GNAQ: variants seen among roughly 807,000 people sequenced by gnomAD.
GNAQ encodes G protein subunit alpha q.
A neutral mutation model predicts 43.9 loss-of-function variants in GNAQ; 8 were observed. That is an observed-to-expected ratio of 0.18 (90% CI 0.11 to 0.33). The LOEUF (loss-of-function observed/expected upper bound fraction) is 0.33, where lower values mean the gene tolerates loss of function less well. Among genes scored for constraint, GNAQ ranks in the 10% least tolerant of loss-of-function variants. The pLI, the probability that GNAQ is intolerant of heterozygous loss-of-function variation, is 1.00. For missense variants in GNAQ, 158 were observed against 450.8 expected, an observed-to-expected ratio of 0.35 and a Z score of 5.88; for synonymous variants, 155 against 170.7, an observed-to-expected ratio of 0.91 and a Z score of 0.71.
At chr9:77,892,265 C>G (rs1564143000) in intron 2 of GNAQ, among the ~76,000 whole-genome samples, 1 of 152,132 alleles carries the variant, frequency 6.6e-6, no homozygotes, top group Non-Finnish European at 1.5e-5. Context: ...AGTGTGGAAC[C>G]CATCCTCCTC....
intron 1 of GNAQ, among the ~76,000 whole-genome samples, chr9:78,025,082 T>G (rs557443761): frequency 7.2e-5 from 11 of 152,314 alleles, no homozygotes; most frequent in Non-Finnish European, 1.5e-4. Context: ...TTTATTTTTG[T>G]TTTTAAAGCC....
At chr9:77,885,386 A>G (rs1371698622) in intron 2 of GNAQ, among the ~76,000 whole-genome samples, 2 of 152,212 alleles carry the variant, frequency 1.3e-5, no homozygotes, top group African/African-American at 4.8e-5. Flanking sequence ...TTTGCTGAAA[A>G]GTGAGGGTAG....
chr9:77,789,875 A>G (rs1218029172), intron 5 of GNAQ, among the ~76,000 whole-genome samples: 1 of 152,192 alleles, frequency 6.6e-6, no homozygotes, highest in Non-Finnish European at 1.5e-5. Context: ...GTTCAAACTC[A>G]TAATTGGGTA....
chr9:77,901,775 A>G (rs1828620101), intron 2 of GNAQ, among the ~76,000 whole-genome samples: 1 of 152,234 alleles, frequency 6.6e-6, no homozygotes, highest in Non-Finnish European at 1.5e-5. Context: ...TGGGTGGCTT[A>G]TAAACAACAA....
At chr9:77,940,111 TAGA>T (rs1282905725) in intron 1 of GNAQ, among the ~76,000 whole-genome samples, 1 of 152,154 alleles carries the variant, frequency 6.6e-6, no homozygotes, top group Non-Finnish European at 1.5e-5. Context: ...TATTCTGGAA[TAGA>T]AGAAGGTTGT....
chr9:77,803,099 A>G (rs1826772331), intron 3 of GNAQ, among the ~76,000 whole-genome samples: 1 of 152,080 alleles, frequency 6.6e-6, no homozygotes, highest in Non-Finnish European at 1.5e-5. Flanking sequence ...ACCCAAATTA[A>G]AACTATTTTA....
chr9:77,973,643 C>G (rs141488219), intron 1 of GNAQ, among the ~76,000 whole-genome samples: 8,283 of 152,206 alleles, frequency 0.054, 253 homozygotes, highest in Non-Finnish European at 0.056. Context: ...ATGATGAAAC[C>G]CTGTCTCTAC....
At chr9:77,956,918 T>C (rs976660280) in intron 1 of GNAQ, among the ~76,000 whole-genome samples, 3 of 152,112 alleles carry the variant, frequency 2.0e-5, no homozygotes, top group Admixed American at 6.5e-5. Context: ...GGGTTTGAAA[T>C]AGTAATGTGT....
intron 1 of GNAQ, among the ~76,000 whole-genome samples, chr9:77,922,810 G>C (rs1829017380): frequency 6.6e-6 from 1 of 152,106 alleles, no homozygotes; most frequent in South Asian, 2.1e-4. Flanking sequence ...AAAAAGGTCT[G>C]AAAATTTCTA....
intron 5 of GNAQ, 68 bp from the exon 6 acceptor site, chr9:77,728,735 G>GT: frequency 8.8e-7 from 1 of 1,139,320 alleles, no homozygotes; most frequent in South Asian, 1.4e-5. Flanking sequence ...TGTGAATTGT[G>GT]TTTATTTTAT....
intron 1 of GNAQ, among the ~76,000 whole-genome samples, chr9:78,028,760 A>G (rs1824013268): frequency 6.6e-6 from 1 of 152,204 alleles, no homozygotes; most frequent in Non-Finnish European, 1.5e-5. Context: ...GAATTCCTCA[A>G]ATGAAATCCC....
chr9:77,951,692 G>A (rs901502923), intron 1 of GNAQ, among the ~76,000 whole-genome samples: 1 of 152,102 alleles, frequency 6.6e-6, no homozygotes, highest in Non-Finnish European at 1.5e-5. Flanking sequence ...AAGGAGGAGA[G>A]GCTGCATAGA....
intron 5 of GNAQ, among the ~76,000 whole-genome samples, chr9:77,793,378 T>C (rs1232681640): frequency 6.6e-6 from 1 of 152,180 alleles, no homozygotes; most frequent in African/African-American, 2.4e-5. Context: ...CTCTCGGTTC[T>C]ATATAGACAT....
At chr9:77,771,156 A>G (rs527884689) in intron 5 of GNAQ, among the ~76,000 whole-genome samples, 7 of 152,314 alleles carry the variant, frequency 4.6e-5, no homozygotes, top group Admixed American at 6.5e-5. Context: ...CATAACCTGA[A>G]TGCAAGCTCT....
intron 1 of GNAQ, among the ~76,000 whole-genome samples, chr9:78,010,513 T>C (rs1823761109): frequency 6.6e-6 from 1 of 152,158 alleles, no homozygotes; most frequent in Non-Finnish European, 1.5e-5. Context: ...GGTGCATGCT[T>C]GGACTTTAAA....
At chr9:77,787,719 T>C (rs1043051047) in intron 5 of GNAQ, among the ~76,000 whole-genome samples, 11 of 152,138 alleles carry the variant, frequency 7.2e-5, no homozygotes, top group African/African-American at 2.7e-4. Flanking sequence ...ATGAGTGAGT[T>C]GATCACATTA....
intron 5 of GNAQ, among the ~76,000 whole-genome samples, chr9:77,747,275 A>G (rs1469297773): frequency 6.6e-6 from 1 of 152,332 alleles, no homozygotes; most frequent in Non-Finnish European, 1.5e-5. Context: ...TCAAAAGGCA[A>G]GACAACAAAG....
At chr9:77,793,377 C>A (rs1353676960) in intron 5 of GNAQ, among the ~76,000 whole-genome samples, 1 of 151,962 alleles carries the variant, frequency 6.6e-6, no homozygotes, top group Non-Finnish European at 1.5e-5. Flanking sequence ...ACTCTCGGTT[C>A]TATATAGACA....
At chr9:77,873,501 T>C (rs568476815) in intron 2 of GNAQ, among the ~76,000 whole-genome samples, 3 of 152,294 alleles carry the variant, frequency 2.0e-5, no homozygotes, top group Non-Finnish European at 2.9e-5. Context: ...GTAAACAATG[T>C]ATTTAGGCAT....
Sources: allele counts gnomAD v4.1 joint callset (sites outside exome capture counted in the v4.1 genomes callset), GRCh38; gene constraint gnomAD v4.1.1; transcripts MANE v1.5; gene names NCBI Gene and HGNC (gene_info 2026-07-23, HGNC 2026-07-21).